The following TTN variants were observed in gnomAD, a reference collection of about 807,000 sequenced individuals.
The protein encoded by TTN is titin.
TTN carries 1,525 observed loss-of-function variants against 3,223.0 expected under a neutral mutation model. The observed-to-expected ratio is 0.47, with a 90% CI of 0.45 to 0.49. The LOEUF (loss-of-function observed/expected upper bound fraction) is 0.49. TTN is among the 20% of genes least tolerant of loss of function. The pLI, the probability that TTN is intolerant of heterozygous loss-of-function variation, is 0.00. For synonymous variants in TTN, 14,094 were observed against 15,161.0 expected (o/e 0.93, Z 5.17); for missense variants, 40,786 against 43,424.0 (o/e 0.94, Z 5.40).
chr2:178,618,398 C>T lies in TTN; in HGVS notation c.47060G>A (p.Ser15687Asn), dbSNP rs2057732244. The T allele has an allele frequency of 2.5e-6, 4 of 1,612,322 alleles. No individual in the cohort carries two copies. Among genetic ancestry groups the T allele is most frequent in the Non-Finnish European group, 3.4e-6 (4 of 1,179,106 alleles). The change falls in exon 252 of 363, where the codon AGC (serine) becomes AAC (asparagine). Residue 15687 changes from serine (S) to asparagine (N), a missense_variant. By Grantham distance (46) the Ser-to-Asn change is conservative (BLOSUM62 1). Coordinates refer to ENST00000589042, the MANE Select transcript of TTN (RefSeq NM_001267550.2). Reference sequence around the variant, plus strand: ...TTCAACAACGTAACCTATGATTTTGCTTCCACCATCAGTTAAAGGTTCTTC... The same window carrying T: ...TTCAACAACGTAACCTATGATTTTGTTTCCACCATCAGTTAAAGGTTCTTC... ...AWEEPLTDGG[S>N]KIIGYVVERR...
Position 178,530,080 on chromosome 2 carries a change from C to T in TTN, c.106411G>A (p.Asp35471Asn). Residue 35471 changes from aspartate (D) to asparagine (N), a missense_variant, in exon 359 of 363, where the codon GAC becomes AAC. Transcript: ENST00000589042. The part of the protein sequence containing the change: ...TQGGKYKLSE[D>N]KGGFFLEIHK... ...ATTTCTAAGAAGAACCCTCCCTTGT[C>T]TTCAGAGAGTTTATATTTACCTCCT... The T allele has an allele frequency of 6.2e-7, 1 of 1,609,786 alleles. No homozygotes were observed. Among genetic ancestry groups the T allele is most frequent in the Non-Finnish European group, 8.5e-7 (1 of 1,178,814 alleles).
In TTN at chr2:178,739,915, T is replaced by A; in HGVS notation, c.13318A>T (p.Met4440Leu). 1 of 1,613,916 alleles carries A rather than the reference T, an allele frequency of 6.2e-7. No individual in the cohort carries two copies. The highest frequency in any genetic ancestry group is 8.5e-7 in the Non-Finnish European group (1 of 1,179,838). ...GCCGAAGTAACAAGGTACATGCACATGATGTGTCTGGGCTCTTGGGTGATG... is the reference window on the plus strand; with the variant it reads ...GCCGAAGTAACAAGGTACATGCACAAGATGTGTCTGGGCTCTTGGGTGATG... ...VNITQEPRHI[M>L]CMYLVTSAKS... is the part of the protein sequence containing the mutation. The change falls in exon 48 of 363, where the codon ATG becomes TTG. Residue 4440 changes from methionine to leucine, a missense_variant. Transcript: ENST00000589042.
chr2:178,611,493 G>A lies in TTN; in HGVS notation c.50736C>T (p.Phe16912=). Residue 16912 remains phenylalanine (F), a synonymous_variant, in exon 269 of 363, where the codon TTC becomes TTT. Coordinates refer to ENST00000589042, the MANE Select transcript of TTN (RefSeq NM_001267550.2). ...VNSRPIKDLK[F]KVEEGVVPDK... is the part of the protein sequence containing the mutation. ...CAGGAACAACACCTTCTTCAACCTT[G>A]AATTTCAAGTCCTTTATTGGGCGAG... is the stretch of plus-strand genomic sequence containing the variant. The A allele has an allele frequency of 9.3e-6, 15 of 1,612,902 alleles. No homozygotes were observed. The highest frequency in any genetic ancestry group is 1.2e-5 in the Non-Finnish European group (14 of 1,179,318).
chr2:178,651,172 A>T, intron 208 of TTN, 71 bp downstream of exon 208: 1 of 1,282,444 alleles, frequency 7.8e-7, no homozygotes, highest in Non-Finnish European at 1.1e-6. Context: ...CGCAAACAAA[A>T]GGTTTGATAA....
chr2:178,733,784 A>G lies in TTN; in HGVS notation c.15605T>C (p.Met5202Thr), dbSNP rs764755768. 9 of 1,613,758 alleles carry G rather than the reference A, an allele frequency of 5.6e-6. No individual in the cohort carries two copies. Among genetic ancestry groups the G allele is most frequent in the South Asian group, 1.1e-5 (1 of 91,084 alleles). The change falls in exon 53 of 363, where the codon ATG becomes ACG. Residue 5202 changes from methionine (M) to threonine (T), a missense_variant. Coordinates refer to ENST00000589042, the MANE Select transcript of TTN (RefSeq NM_001267550.2). ...TTCTCTGATGACCTCTTGACCTTTC[A>G]TCCATGTGACAGAAATGGGCTCTGA... ...RGSEPISVTWMKGQEVIREDG... is the reference protein window; with the variant it reads ...RGSEPISVTWTKGQEVIREDG...
intron 127 of TTN, among the ~76,000 whole-genome samples, chr2:178,687,885 A>G (rs1388190203): frequency 2.0e-5 from 3 of 152,152 alleles, no homozygotes; most frequent in Admixed American, 6.5e-5. Context: ...TATTCTATGT[A>G]GGCAAGTAAG....
Position 178,793,527 on chromosome 2 carries a change from C to A in TTN, c.1413G>T (p.Ala471=), listed in dbSNP as rs373132777. The change falls in exon 9 of 363, where the codon GCG becomes GCT. Residue 471 remains alanine (A), a synonymous_variant. Coordinates refer to ENST00000589042, the MANE Select transcript of TTN (RefSeq NM_001267550.2). ...QPAQEQVRKE[A]EKTAVTKVVV... Reference sequence around the variant, plus strand: ...CTACCTTAGTTACAGCAGTCTTCTCCGCTTCCTTTCTTACCTGCTTTTCAT... The same window carrying A: ...CTACCTTAGTTACAGCAGTCTTCTCAGCTTCCTTTCTTACCTGCTTTTCAT... The A allele has an allele frequency of 6.2e-7, 1 of 1,613,766 alleles. No homozygotes were observed. Among genetic ancestry groups the A allele is most frequent in the Non-Finnish European group, 8.5e-7 (1 of 1,180,008 alleles).
chr2:178,672,447 T>G lies in TTN; in HGVS notation c.34890A>C (p.Lys11630Asn). 1.3e-6 allele frequency: 2 copies of G among 1,597,122 alleles called. No individual in the cohort carries two copies. The highest frequency in any genetic ancestry group is 2.7e-5 in the African/African-American group (2 of 73,688). Residue 11630 changes from lysine to asparagine, a missense_variant, in exon 154 of 363, where the codon AAA becomes AAC. By Grantham distance (94) the Lys-to-Asn change is moderately conservative (BLOSUM62 0). Transcript: ENST00000589042. ...PEVPKKVPEK[K>N]VLVPKKEAVP... ...CAGCTTCCTTTTTAGGCACAAGGAC[T>G]TTCTTTTCTGGGACTTTCTTTGGTA...
chr2:178,670,243 T>G lies in TTN; in HGVS notation c.35361A>C (p.Glu11787Asp). Residue 11787 changes from glutamate (E) to aspartate (D), a missense_variant, in exon 157 of 363, where the codon GAA becomes GAC. Coordinates refer to ENST00000589042, the MANE Select transcript of TTN (RefSeq NM_001267550.2). The stretch of plus-strand genomic sequence containing the variant: ...CTTTAGTTGGTGGAACTCTGGGCTC[T>G]TCAGGAACACGTACTTTTTCTTCTA... ...IVVEEKVRVP[E>D]EPRVPPTKAP... The G allele has an allele frequency of 6.7e-7, 1 of 1,497,978 alleles. No individual in the cohort carries two copies. The highest frequency in any genetic ancestry group is 2.5e-5 in the East Asian group (1 of 39,950). 92.8% of individuals were successfully genotyped at this position (1,497,978 alleles called of 1,614,324 possible).
rs878926959 is a variant in TTN, at chr2:178,537,858, C to A, written c.99349G>T (p.Ala33117Ser). 6.2e-7 allele frequency: 1 copy of A among 1,613,492 alleles called. No homozygotes were observed. Among genetic ancestry groups the A allele is most frequent in the Non-Finnish European group, 8.5e-7 (1 of 1,179,598 alleles). Reference sequence around the variant, plus strand: ...ACAATCTGGCATGAGAGTTGAGCAGCTTCACCCAATTTTGTGGTAACATCC... The same window carrying A: ...ACAATCTGGCATGAGAGTTGAGCAGATTCACCCAATTTTGTGGTAACATCC... ...MKDVTTKLGE[A>S]AQLSCQIVGR... The change falls in exon 355 of 363, where the codon GCT becomes TCT. Residue 33117 changes from alanine (A) to serine (S), a missense_variant. Coordinates refer to ENST00000589042, the MANE Select transcript of TTN (RefSeq NM_001267550.2).
At position 178,591,361 on chromosome 2, in the gene TTN, C is replaced by T. The variant is rs776191153; in HGVS notation, c.60364G>A (p.Asp20122Asn). 8.7e-5 allele frequency: 141 copies of T among 1,613,152 alleles called. No individual in the cohort carries two copies. The highest frequency in any genetic ancestry group is 1.2e-4 in the Non-Finnish European group (137 of 1,179,470). Residue 20122 changes from aspartate to asparagine, a missense_variant, in exon 304 of 363, where the codon GAT (aspartate) becomes AAT (asparagine). Physicochemically the swap from Asp to Asn is conservative, Grantham distance 23. Transcript: ENST00000589042. ...TCTGTTTCAACTGTGTAGTGCTCAT[C>T]GGTTTTAATCTCACTCCCATCGGTT... ...WTTDGSEIKT[D>N]EHYTVETDNF...
intron 85 of TTN, 38 bp from the exon 86 acceptor site, chr2:178,718,259 G>A (rs2077796630): frequency 1.3e-6 from 2 of 1,593,808 alleles, no homozygotes; most frequent in African/African-American, 2.7e-5. Flanking sequence ...AGTCAGTCAT[G>A]CCATGTAAAA....
Position 178,741,136 on chromosome 2 carries a change from T to G in TTN, c.12097A>C (p.Thr4033Pro), listed in dbSNP as rs748385051. ...TTGCAGGGGGTATCAGTCATGTCTG[T>G]GTCTTCCAGAAGCACAAGCAGCTCT... ...AAELLVLLED[T>P]DMTDTPCKAK... Residue 4033 changes from threonine (T) to proline (P), a missense_variant, in exon 48 of 363, where the codon ACA becomes CCA. Coordinates refer to ENST00000589042, the MANE Select transcript of TTN (RefSeq NM_001267550.2). 3 of 1,613,588 alleles carry G rather than the reference T, an allele frequency of 1.9e-6. No individual in the cohort carries two copies. In the Admixed American group the frequency reaches 5.0e-5, roughly 27 times the overall value.
In TTN at chr2:178,559,781, G is replaced by A; in HGVS notation, c.86351C>T (p.Pro28784Leu). The A allele has an allele frequency of 1.2e-6, 2 of 1,605,604 alleles. No individual in the cohort carries two copies. The highest frequency in any genetic ancestry group is 1.1e-5 in the South Asian group (1 of 89,830). Reference protein sequence around the residue: ...MTVPFRGRPVPNVLWSKPDTD... With the variant: ...MTVPFRGRPVLNVLWSKPDTD... ...GTCTGGCTTACTCCACAAGACATTG[G>A]GTACTGGTCTTCCTCGGAAAGGCAC... Residue 28784 changes from proline (P) to leucine (L), a missense_variant, in exon 326 of 363, where the codon CCC becomes CTC. Coordinates refer to ENST00000589042, the MANE Select transcript of TTN (RefSeq NM_001267550.2).
chr2:178,557,937 A>C lies in TTN; in HGVS notation c.87417T>G (p.Gly29139=). 1 of 1,613,186 alleles carries C rather than the reference A, an allele frequency of 6.2e-7. No homozygotes were observed. Among genetic ancestry groups the C allele is most frequent in the East Asian group, 2.2e-5 (1 of 44,870 alleles). Residue 29139 remains glycine (G), a synonymous_variant, in exon 328 of 363, where the codon GGT becomes GGG. Transcript: ENST00000589042. ...FINIVVLDRP[G]PPTGPVVISD... The stretch of plus-strand genomic sequence containing the variant: ...TAATAACAACAGGGCCAGTTGGAGG[A>C]CCAGGCCTGTCTAGCACAACAATGT...
chr2:178,581,848 C>T (rs766252604), intron 315 of TTN, 44 bp from the exon 316 acceptor site: 7 of 1,601,114 alleles, frequency 4.4e-6, no homozygotes, highest in African/African-American at 2.7e-5. Context: ...AAACTTCCTT[C>T]CTGGGTGTTT....
At chr2:178,598,105 G>C in intron 292 of TTN, 47 bp from the exon 293 acceptor site, 1 of 1,576,364 alleles carries the variant, frequency 6.3e-7, no homozygotes, top group African/African-American at 1.4e-5. Flanking sequence ...GTTCTTTGTA[G>C]CTTCTTGCTT....
intron 18 of TTN, 34 bp downstream of exon 18, chr2:178,782,772 T>C (rs2092893305): frequency 1.2e-6 from 2 of 1,612,034 alleles, no homozygotes; most frequent in Middle Eastern, 2.1e-4. Context: ...AGTGATGGCA[T>C]GTGCATTAGG....
At chr2:178,551,362 G>C in intron 335 of TTN, 102 bp from the exon 336 acceptor site, 1 of 926,304 alleles carries the variant, frequency 1.1e-6, no homozygotes, top group Non-Finnish European at 1.4e-6. Flanking sequence ...TAATAAATAA[G>C]TAAAATTTTT....
Sources: gnomAD v4.1 joint callset for allele counts (sites outside exome capture counted in the v4.1 genomes callset) on GRCh38, gnomAD v4.1.1 for gene constraint, MANE v1.5 for transcripts, NCBI Gene and HGNC (gene_info 2026-07-23, HGNC 2026-07-21) for gene names.